The following GMDS variants were observed in gnomAD, a reference collection of about 807,000 sequenced individuals.
GMDS encodes GDP-mannose 4,6 dehydratase.
In GMDS, 20 loss-of-function variants were observed where a neutral mutation model predicts 49.9. That is an observed-to-expected ratio of 0.40 (90% CI 0.28 to 0.58). The LOEUF (loss-of-function observed/expected upper bound fraction) is 0.58. GMDS is among the 20% of genes least tolerant of loss of function. GMDS has a pLI of 0.42. For synonymous variants in GMDS, 177 were observed against 178.6 expected, an observed-to-expected ratio of 0.99 and a Z score of 0.07; for missense variants, 362 against 481.4, an observed-to-expected ratio of 0.75 and a Z score of 2.32.
intron 4 of GMDS, among the ~76,000 whole-genome samples, chr6:2,105,144 T>C (rs1324187971): frequency 7.7e-6 from 1 of 129,540 alleles, no homozygotes; most frequent in African/African-American, 3.0e-5. Context: ...ATCACGCCAC[T>C]GCACTCCAGC....
At chr6:1,876,101 T>TA (rs200432725) in intron 7 of GMDS, among the ~76,000 whole-genome samples, 19 of 149,676 alleles carry the variant, frequency 1.3e-4, no homozygotes, top group Admixed American at 3.3e-4. Context: ...AAAATTATGT[T>TA]AAAAAAATTG....
chr6:2,196,550 CA>C (rs1170855989), intron 1 of GMDS, among the ~76,000 whole-genome samples: 1 of 152,034 alleles, frequency 6.6e-6, no homozygotes, highest in Non-Finnish European at 1.5e-5. Context: ...ACATAGAATC[CA>C]AAACAAATTC....
chr6:1,892,352 C>T (rs1281259542), intron 7 of GMDS, among the ~76,000 whole-genome samples: 1 of 152,030 alleles, frequency 6.6e-6, no homozygotes, highest in African/African-American at 2.4e-5. Flanking sequence ...ACCATAAATC[C>T]ACTTTTAATT....
intron 9 of GMDS, among the ~76,000 whole-genome samples, chr6:1,691,364 G>A (rs997336998): frequency 3.0e-4 from 45 of 151,904 alleles, no homozygotes; most frequent in African/African-American, 1.1e-3. Context: ...TGCGGGGGGT[G>A]TGGGGGAGGG....
At chr6:1,707,453 T>C (rs990053055) in intron 9 of GMDS, among the ~76,000 whole-genome samples, 1 of 152,124 alleles carries the variant, frequency 6.6e-6, no homozygotes, top group Non-Finnish European at 1.5e-5. Flanking sequence ...CATAGGACAC[T>C]CTCTCAAAGG....
chr6:2,011,706 G>A (rs1308852954), intron 4 of GMDS, among the ~76,000 whole-genome samples: 1 of 152,202 alleles, frequency 6.6e-6, no homozygotes, highest in Non-Finnish European at 1.5e-5. Flanking sequence ...CCTGAGGCAA[G>A]GAGTTCGTGA....
chr6:2,019,223 C>A (rs1289679980), intron 4 of GMDS, among the ~76,000 whole-genome samples: 1 of 151,246 alleles, frequency 6.6e-6, no homozygotes, highest in African/African-American at 2.4e-5. Context: ...CATCTATATA[C>A]AATATAAGAT....
rs1225677350 is a variant in GMDS, at chr6:1,930,248, A to T, written c.644-18T>A. 1 of 1,609,714 alleles carries T rather than the reference A, an allele frequency of 6.2e-7. No homozygotes were observed. Among genetic ancestry groups the T allele is most frequent in the African/African-American group, 1.3e-5 (1 of 75,006 alleles). On this transcript the variant is annotated intron_variant, in intron 6 of 10. Transcript: ENST00000380815. The stretch of plus-strand genomic sequence containing the variant: ...ATTAGCTCCTAAAAAGAGGCAAAAG[A>T]TGTAGTATCAGTCAAGTGCACTTGA...
chr6:1,755,544 C>CA (rs35489286), intron 7 of GMDS, among the ~76,000 whole-genome samples: 62,177 of 151,858 alleles, frequency 0.41, 13,429 homozygotes, highest in East Asian at 0.59. Context: ...CATATGGAAC[C>CA]AAAAAAATGC....
At chr6:2,007,322 T>G (rs148313668) in intron 4 of GMDS, among the ~76,000 whole-genome samples, 1 of 152,252 alleles carries the variant, frequency 6.6e-6, no homozygotes, top group African/African-American at 2.4e-5. Flanking sequence ...ACCATAAGCA[T>G]TCCCCTAATT....
At chr6:1,748,590 G>T (rs571702378) in intron 7 of GMDS, among the ~76,000 whole-genome samples, 1 of 152,114 alleles carries the variant, frequency 6.6e-6, no homozygotes, top group African/African-American at 2.4e-5. Context: ...TAAGCCAGGG[G>T]ACAGACAACT....
rs1000008262 is a variant in GMDS, at chr6:1,879,429, C to G, written c.771+50674G>C. Among the ~76,000 whole-genome samples, 7 of 152,316 alleles carry G rather than the reference C, an allele frequency of 4.6e-5. No homozygotes were observed. The South Asian group carries it at 8.3e-4, about 18-fold the overall frequency. The stretch of plus-strand genomic sequence containing the variant: ...TGCTGGGTGAGTAAACTTCAAGTGA[C>G]TTCAGAGCCCCTATGGGCCAATGAG... On this transcript the variant is annotated intron_variant, in intron 7 of 10. Coordinates refer to ENST00000380815, the MANE Select transcript of GMDS (RefSeq NM_001500.4).
intron 1 of GMDS, among the ~76,000 whole-genome samples, chr6:2,184,400 C>A (rs981001208): frequency 6.6e-6 from 1 of 152,166 alleles, no homozygotes; most frequent in African/African-American, 2.4e-5. Context: ...ACCTTCCCCC[C>A]ACCTCTCTTA....
At chr6:2,199,803 C>T (rs1424664071) in intron 1 of GMDS, among the ~76,000 whole-genome samples, 1 of 152,108 alleles carries the variant, frequency 6.6e-6, no homozygotes, top group East Asian at 1.9e-4. Context: ...CACTTGTCTG[C>T]TTGTTAACCA....
At chr6:2,145,347 C>A (rs942910571) in intron 1 of GMDS, among the ~76,000 whole-genome samples, 11 of 152,016 alleles carry the variant, frequency 7.2e-5, no homozygotes, top group Non-Finnish European at 5.9e-5. Flanking sequence ...CCATCCTGGC[C>A]AACAGGGTGA....
chr6:2,175,942 A>G, intron 1 of GMDS: 17 of 1,481,328 alleles, frequency 1.1e-5, no homozygotes, highest in Non-Finnish European at 1.5e-5. Flanking sequence ...CATTTTACAC[A>G]TGAGGAACCA....
At chr6:2,145,813 G>T (rs1410758084) in intron 1 of GMDS, among the ~76,000 whole-genome samples, 1 of 152,128 alleles carries the variant, frequency 6.6e-6, no homozygotes, top group East Asian at 1.9e-4. Flanking sequence ...GGATGCCTTG[G>T]GCCCAGAGTT....
intron 9 of GMDS, among the ~76,000 whole-genome samples, chr6:1,656,834 C>T (rs924867751): frequency 2.6e-5 from 4 of 152,064 alleles, no homozygotes; most frequent in Non-Finnish European, 1.5e-5. Flanking sequence ...CTCCTTCTAC[C>T]GTATAACTGA....
intron 1 of GMDS, among the ~76,000 whole-genome samples, chr6:2,232,836 C>G (rs190371733): frequency 6.6e-6 from 1 of 152,332 alleles, no homozygotes; most frequent in East Asian, 1.9e-4. Flanking sequence ...CCTTCAGCCT[C>G]TTCCATAACC....
Sources: allele counts gnomAD v4.1 joint callset (sites outside exome capture counted in the v4.1 genomes callset), GRCh38; gene constraint gnomAD v4.1.1; transcripts MANE v1.5; gene names NCBI Gene and HGNC (gene_info 2026-07-23, HGNC 2026-07-21).